The following GRID2 variants were observed in gnomAD, a reference collection of about 807,000 sequenced individuals.
GRID2 encodes glutamate ionotropic receptor delta type subunit 2.
A neutral mutation model predicts 114.8 loss-of-function variants in GRID2; 33 were observed. The observed-to-expected ratio is 0.29, with a 90% confidence interval of 0.22 to 0.38. The LOEUF is 0.38. Ranked by LOEUF, GRID2 falls within the 10% of genes least tolerant of loss-of-function variation. GRID2 has a pLI of 1.00. For synonymous variants in GRID2, 505 were observed against 449.9 expected (o/e 1.12, Z -1.55); for missense variants, 1,184 against 1,257.7 (o/e 0.94, Z 0.89).
At chr4:92,433,161 C>G (rs1732550835) in intron 1 of GRID2, among the ~76,000 whole-genome samples, 1 of 152,072 alleles carries the variant, frequency 6.6e-6, no homozygotes, top group South Asian at 2.1e-4. Flanking sequence ...ATCCTCTCTT[C>G]AAGTAGAAGG....
chr4:92,380,138 G>A (rs1729545649), intron 1 of GRID2, among the ~76,000 whole-genome samples: 1 of 151,244 alleles, frequency 6.6e-6, no homozygotes, highest in African/African-American at 2.4e-5. Flanking sequence ...AATGAAGTTT[G>A]GGAAGCATTT....
chr4:92,766,516 G>A (rs987320519), intron 2 of GRID2, among the ~76,000 whole-genome samples: 5 of 130,506 alleles, frequency 3.8e-5, no homozygotes, highest in African/African-American at 6.0e-5. Context: ...CAGCTTGGGC[G>A]ACAGAGCAAG....
chr4:92,669,035 G>A lies in GRID2; in HGVS notation c.244+78749G>A, dbSNP rs549031520. Among the ~76,000 whole-genome samples the A allele has an allele frequency of 4.6e-5, 7 of 151,812 alleles. No homozygotes were observed. The East Asian group carries it at 7.7e-4, about 17-fold the overall frequency. Reference sequence around the variant, plus strand: ...GACTTTGTTTCTTCACTCTTGCGATGTCATTTATTGCATATATTGATACGG... The same window carrying A: ...GACTTTGTTTCTTCACTCTTGCGATATCATTTATTGCATATATTGATACGG... On this transcript the variant is annotated intron_variant, in intron 2 of 15. Transcript: ENST00000282020.
intron 4 of GRID2, among the ~76,000 whole-genome samples, chr4:93,190,311 T>C (rs926820412): frequency 6.6e-6 from 1 of 152,168 alleles, no homozygotes. Flanking sequence ...AAAGCCACTA[T>C]TGATTTCTAT....
chr4:92,558,805 T>C (rs1309651356), intron 1 of GRID2, among the ~76,000 whole-genome samples: 2 of 152,184 alleles, frequency 1.3e-5, no homozygotes, highest in African/African-American at 4.8e-5. Flanking sequence ...ATAAGTATTT[T>C]TTGTAAGATA....
chr4:93,098,158 CA>C (rs1430449737), intron 3 of GRID2, among the ~76,000 whole-genome samples: 3 of 151,954 alleles, frequency 2.0e-5, no homozygotes, highest in Non-Finnish European at 2.9e-5. Flanking sequence ...TTTTAAAATA[CA>C]AAGCACTTGT....
intron 13 of GRID2, among the ~76,000 whole-genome samples, chr4:93,608,895 C>A (rs1740630950): frequency 7.6e-6 from 1 of 131,500 alleles, no homozygotes; most frequent in African/African-American, 2.9e-5. Flanking sequence ...ACACTGACTT[C>A]CACAATGGTT....
intron 13 of GRID2, among the ~76,000 whole-genome samples, chr4:93,619,700 G>A (rs1013460419): frequency 6.6e-6 from 1 of 152,188 alleles, no homozygotes; most frequent in Non-Finnish European, 1.5e-5. Flanking sequence ...CGAGGGTCCA[G>A]AGTCATATAA....
intron 7 of GRID2, among the ~76,000 whole-genome samples, chr4:93,227,711 A>T (rs981157565): frequency 6.6e-6 from 1 of 152,226 alleles, no homozygotes; most frequent in African/African-American, 2.4e-5. Flanking sequence ...AATTTCTTCA[A>T]CCAGATATTC....
chr4:92,856,230 C>CAT (rs1350952513), intron 2 of GRID2, among the ~76,000 whole-genome samples: 4 of 151,992 alleles, frequency 2.6e-5, no homozygotes, highest in African/African-American at 9.7e-5. Context: ...ATTTACACGA[C>CAT]ATATTTTTCT....
intron 8 of GRID2, among the ~76,000 whole-genome samples, chr4:93,252,448 C>T (rs1271972498): frequency 3.4e-5 from 5 of 147,970 alleles, no homozygotes; most frequent in Non-Finnish European, 7.4e-5. Context: ...TGTACAAGTA[C>T]CATGCTGTTT....
At chr4:93,320,834 G>T (rs1433918931) in intron 8 of GRID2, among the ~76,000 whole-genome samples, 1 of 151,930 alleles carries the variant, frequency 6.6e-6, no homozygotes, top group Non-Finnish European at 1.5e-5. Flanking sequence ...TTAATCTCAT[G>T]CAAACTGTTT....
intron 1 of GRID2, among the ~76,000 whole-genome samples, chr4:92,520,093 T>C (rs1046474215): frequency 6.6e-6 from 1 of 151,822 alleles, no homozygotes; most frequent in Non-Finnish European, 1.5e-5. Context: ...GGCACCCATA[T>C]GCAACTCCTT....
intron 2 of GRID2, among the ~76,000 whole-genome samples, chr4:92,746,795 A>G (rs75243694): frequency 0.013 from 2,036 of 152,116 alleles, 34 homozygotes; most frequent in Middle Eastern, 0.085. Flanking sequence ...ATACTCCCTT[A>G]AGATATACTT....
intron 14 of GRID2, among the ~76,000 whole-genome samples, chr4:93,757,415 C>G (rs534125693): frequency 6.6e-6 from 1 of 152,312 alleles, no homozygotes; most frequent in South Asian, 2.1e-4. Context: ...ACCTAGAGTA[C>G]TCTTTTCCCA....
At chr4:92,417,888 T>A (rs2110317075) in intron 1 of GRID2, among the ~76,000 whole-genome samples, 1 of 152,224 alleles carries the variant, frequency 6.6e-6, no homozygotes, top group African/African-American at 2.4e-5. Context: ...GTTTTATAAA[T>A]GGGATTTCCC....
At chr4:92,487,089 G>A (rs1560664441) in intron 1 of GRID2, among the ~76,000 whole-genome samples, 1 of 151,598 alleles carries the variant, frequency 6.6e-6, no homozygotes, top group Non-Finnish European at 1.5e-5. Context: ...TCTGGTTACA[G>A]GTATACTATT....
chr4:93,713,273 T>G (rs2110172750), intron 14 of GRID2, among the ~76,000 whole-genome samples: 1 of 152,260 alleles, frequency 6.6e-6, no homozygotes, highest in East Asian at 1.9e-4. Context: ...CTAGAGTACC[T>G]TCAATGTTTC....
intron 2 of GRID2, among the ~76,000 whole-genome samples, chr4:92,626,626 C>A (rs1431933470): frequency 6.6e-6 from 1 of 151,860 alleles, no homozygotes; most frequent in Admixed American, 6.6e-5. Flanking sequence ...AGGAAATAAA[C>A]CTAGATTAAG....
Sources: gnomAD v4.1 joint callset for allele counts (sites outside exome capture counted in the v4.1 genomes callset) on GRCh38, gnomAD v4.1.1 for gene constraint, MANE v1.5 for transcripts, NCBI Gene and HGNC (gene_info 2026-07-23, HGNC 2026-07-21) for gene names.